Variants in TMEM143 observed in about 807,000 individuals in gnomAD.
The protein encoded by TMEM143 is transmembrane protein 143.
Under a neutral mutation model 40.3 loss-of-function variants are expected in TMEM143, and 45 were observed. The ratio of observed to expected loss-of-function variants is 1.12; its 90% confidence interval spans 0.88 to 1.43. TMEM143 has a LOEUF of 1.43. Ranked by LOEUF, TMEM143 falls within the 40% of genes most tolerant of loss-of-function variation. TMEM143 has a pLI of 0.00. For synonymous variants in TMEM143, 299 were observed against 282.7 expected, an observed-to-expected ratio of 1.06 and a Z score of -0.58; for missense variants, 620 against 613.4, an observed-to-expected ratio of 1.01 and a Z score of -0.11.
Position 48,357,900 on chromosome 19 carries a change from GA to G in TMEM143, c.369+2171del, listed in dbSNP as rs111627865. 1.3e-5 allele frequency among the ~76,000 whole-genome samples: 2 copies of G among 151,058 alleles called. 1 individual carries two copies. Among genetic ancestry groups the G allele is most frequent in the African/African-American group, 4.9e-5 (2 of 41,142 alleles). ...AGCTATGAGGGTGCGAAGATACACAGAGTGATATAATGGAATTTGGGGACTC... is the reference window on the plus strand; with the variant it reads ...AGCTATGAGGGTGCGAAGATACACAGGTGATATAATGGAATTTGGGGACTC... On this transcript the variant is annotated intron_variant, in intron 3 of 7. Transcript: ENST00000293261.
chr19:48,359,503 C>A (rs1256631600), intron 3 of TMEM143, among the ~76,000 whole-genome samples: 1 of 141,250 alleles, frequency 7.1e-6, no homozygotes, highest in African/African-American at 2.6e-5. Context: ...CATCTCACCC[C>A]TCTTTGTTTT....
intron 6 of TMEM143, among the ~76,000 whole-genome samples, 172 bp downstream of exon 6, chr19:48,342,357 AC>A (rs1430403127): frequency 6.1e-4 from 29 of 47,638 alleles, no homozygotes; most frequent in African/African-American, 1.4e-3. Context: ...GGAAGGAAGG[AC>A]AGGGAGGGAA....
chr19:48,360,230 G>C (rs1970007407), intron 2 of TMEM143, 54 bp from the exon 3 acceptor site: 1 of 1,554,324 alleles, frequency 6.4e-7, no homozygotes, highest in African/African-American at 1.4e-5. Context: ...TTCCCCGAGG[G>C]AAAGAATTCT....
chr19:48,349,305 A>G (rs1259542116), intron 3 of TMEM143, among the ~76,000 whole-genome samples: 3 of 152,040 alleles, frequency 2.0e-5, no homozygotes, highest in Non-Finnish European at 4.4e-5. Context: ...CCTTTTCACC[A>G]TTGAAGTCTT....
At chr19:48,349,666 A>AG (rs1369229865) in intron 3 of TMEM143, among the ~76,000 whole-genome samples, 1 of 152,062 alleles carries the variant, frequency 6.6e-6, no homozygotes, top group African/African-American at 2.4e-5. Context: ...TCAAAAAAAA[A>AG]AAGCAGCAGC....
chr19:48,353,347 T>A (rs1181737993), intron 3 of TMEM143, among the ~76,000 whole-genome samples: 1 of 149,180 alleles, frequency 6.7e-6, no homozygotes, highest in Non-Finnish European at 1.5e-5. Context: ...GCCCAGCTAA[T>A]TTTTTTTTTG....
Position 48,333,204 on chromosome 19 carries a change from G to T in TMEM143, c.*15C>A. Reference sequence around the variant, plus strand: ...AGTTCCTAGCCTGCTGACTGGGCAGGGAGGTAGGTTCTACTCAGGAGATGT... The same window carrying T: ...AGTTCCTAGCCTGCTGACTGGGCAGTGAGGTAGGTTCTACTCAGGAGATGT... On this transcript the variant is annotated 3_prime_UTR_variant, in exon 8 of 8. Transcript: ENST00000293261. This position sits in a 1 kb window ranked among gnomAD's most constrained non-coding sequence, Gnocchi z 4.1. The T allele has an allele frequency of 1.4e-6, 2 of 1,431,746 alleles. No individual in the cohort carries two copies. The allele number at this position is 1,431,746 out of a possible 1,614,324, so 88.7% of individuals were successfully genotyped here.
intron 6 of TMEM143, among the ~76,000 whole-genome samples, chr19:48,336,399 C>T (rs941727511): frequency 1.3e-5 from 2 of 152,068 alleles, no homozygotes; most frequent in East Asian, 3.9e-4. Context: ...GTGACAGGCA[C>T]CTGTAATCCC....
At chr19:48,349,764 C>A (rs546687731) in intron 3 of TMEM143, among the ~76,000 whole-genome samples, 36 of 152,098 alleles carry the variant, frequency 2.4e-4, no homozygotes, top group African/African-American at 7.2e-4. Context: ...TAAGGGCAGA[C>A]CTGTCCATTT....
At chr19:48,344,739 T>A (rs1024588104) in intron 4 of TMEM143, among the ~76,000 whole-genome samples, 1 of 151,200 alleles carries the variant, frequency 6.6e-6, no homozygotes, top group Admixed American at 6.6e-5. Context: ...GGAGTTTCAC[T>A]CTTGTTGCCC....
intron 3 of TMEM143, among the ~76,000 whole-genome samples, chr19:48,352,262 A>AAAAAAAAAAAACAAAAAAAAAAAAAAC (rs74518287): frequency 1.4e-5 from 2 of 145,062 alleles, no homozygotes; most frequent in African/African-American, 5.1e-5. Flanking sequence ...AAAAAAAAAA[A>AAAAAAAAAAAACAAAAAAAAAAAAAAC]CACCATATCT....
chr19:48,347,321 G>C (rs1025556472), intron 3 of TMEM143, among the ~76,000 whole-genome samples: 2 of 152,176 alleles, frequency 1.3e-5, no homozygotes, highest in African/African-American at 4.8e-5. Context: ...GAAGGAGAGA[G>C]GGCCGGTTCT....
chr19:48,344,647 G>C (rs1178890717), intron 4 of TMEM143, among the ~76,000 whole-genome samples: 1 of 152,200 alleles, frequency 6.6e-6, no homozygotes, highest in Middle Eastern at 3.4e-3. Context: ...CTTGCCCTAA[G>C]AGAGCCATAT....
chr19:48,342,986 A>G (rs1485776947), intron 5 of TMEM143, 177 bp from the exon 6 acceptor site: 5 of 776,116 alleles, frequency 6.4e-6, no homozygotes, highest in East Asian at 5.4e-5. Context: ...GATCGGTTCA[A>G]TCGCGCCATC....
At chr19:48,355,599 C>T (rs1969871278) in intron 3 of TMEM143, among the ~76,000 whole-genome samples, 1 of 152,190 alleles carries the variant, frequency 6.6e-6, no homozygotes, top group Non-Finnish European at 1.5e-5. Context: ...GCTGTGATGG[C>T]CACTGTTGCT....
intron 6 of TMEM143, 29 bp downstream of exon 6, chr19:48,342,501 C>T (rs751111250): frequency 3.4e-5 from 54 of 1,576,234 alleles, no homozygotes; most frequent in Non-Finnish European, 4.3e-5. Context: ...AGCGCAGGGC[C>T]GCAGGAGGCG....
intron 4 of TMEM143, 107 bp downstream of exon 4, chr19:48,345,053 A>T: frequency 8.1e-7 from 1 of 1,229,140 alleles, no homozygotes; most frequent in Non-Finnish European, 1.1e-6. Context: ...CATATGGGCC[A>T]CAGTCCCAGG....
At chr19:48,349,338 C>T (rs1969713734) in intron 3 of TMEM143, among the ~76,000 whole-genome samples, 1 of 152,130 alleles carries the variant, frequency 6.6e-6, no homozygotes. Flanking sequence ...ATTCTAGGTC[C>T]ATCATCACTA....
intron 3 of TMEM143, among the ~76,000 whole-genome samples, chr19:48,356,279 C>G (rs748449101): frequency 2.7e-5 from 4 of 150,254 alleles, no homozygotes; most frequent in Non-Finnish European, 5.9e-5. Flanking sequence ...ATTACAGCGC[C>G]ACTATGCCCA....
Sources: gnomAD v4.1 joint callset for allele counts (sites outside exome capture counted in the v4.1 genomes callset) on GRCh38, gnomAD v4.1.1 for gene constraint, Gnocchi (gnomAD v3.1) non-coding constraint, MANE v1.5 for transcripts, NCBI Gene and HGNC (gene_info 2026-07-23, HGNC 2026-07-21) for gene names.